PLBD1: variants seen among roughly 807,000 people sequenced by gnomAD.
The protein encoded by PLBD1 is phospholipase B domain containing 1.
Under a neutral mutation model 63.0 loss-of-function variants are expected in PLBD1, and 60 were observed. The ratio of observed to expected loss-of-function variants is 0.95; its 90% CI spans 0.77 to 1.18. The LOEUF is 1.18. PLBD1 is among the 50% of genes most tolerant of loss of function. The probability of loss-of-function intolerance (pLI) is 0.00; values close to 1 mark genes in which losing one functional copy is unlikely to be tolerated. For missense variants in PLBD1, 598 were observed against 677.9 expected (o/e 0.88, Z 1.31); for synonymous variants, 262 against 248.0 (o/e 1.06, Z -0.53).
In PLBD1 at chr12:14,567,609, C is replaced by G. The variant is rs12296104; in HGVS notation, c.88G>C (p.Val30Leu). 8.3e-4 allele frequency: 1,232 copies of G among 1,490,262 alleles called. 3 individuals carry two copies. In the African/African-American group the frequency reaches 0.013, roughly 16 times the overall value. The allele number at this position is 1,490,262 out of a possible 1,614,324, so 92.3% of individuals were successfully genotyped here. ...GCAGGTTTCGGCGGCTCCGCGGTGA[C>G]TAACAACAGCGGCAGCAGCAGCAGC... Reference protein sequence around the residue: ...LLLLLLPLLLVTAEPPKPAGV... With the variant: ...LLLLLLPLLLLTAEPPKPAGV... The change falls in exon 1 of 11, where the codon GTC (valine) becomes CTC (leucine). Residue 30 changes from valine (V) to leucine (L), a missense_variant. Coordinates refer to ENST00000240617, the MANE Select transcript of PLBD1 (RefSeq NM_024829.6).
rs563556777 is a variant in PLBD1, at chr12:14,514,274, A to G, written c.845-2563T>C. Among the ~76,000 whole-genome samples the G allele has an allele frequency of 2.0e-3, 299 of 152,304 alleles. 2 individuals are homozygous for G. Among genetic ancestry groups the G allele is most frequent in the African/African-American group, 6.9e-3 (285 of 41,566 alleles). On this transcript the variant is annotated intron_variant, in intron 6 of 10. Transcript: ENST00000240617. ...CTTGACAGAGTGTAAAATGGATTGC[A>G]TTCGTGTCTTGGGCTGGGATCATTT...
At chr12:14,536,077 C>T in intron 5 of PLBD1, 1 of 349,476 alleles carries the variant, frequency 2.9e-6, no homozygotes, top group Non-Finnish European at 5.2e-6. Context: ...AGGCGGATCA[C>T]TTGAGGTCAG....
At chr12:14,504,442 T>C (rs904063979) in intron 10 of PLBD1, among the ~76,000 whole-genome samples, 70 of 152,230 alleles carry the variant, frequency 4.6e-4, no homozygotes, top group African/African-American at 1.6e-3. Flanking sequence ...GTCAGTTGAC[T>C]AGAAGTGTGT....
rs74525557 is a variant in PLBD1 at position 14,521,691 on chromosome 12, G to T, written c.845-9980C>A. Among the ~76,000 whole-genome samples the T allele has an allele frequency of 1.7e-4, 26 of 152,112 alleles. No homozygotes were observed. In the East Asian group the frequency reaches 4.7e-3, roughly 27 times the overall value. ...TAACAACTCTATACAACTGGAAGAG[G>T]CATCCATTCTATCAGATGCCCAGAC... On this transcript the variant is annotated intron_variant, in intron 6 of 10. Coordinates refer to ENST00000240617, the MANE Select transcript of PLBD1 (RefSeq NM_024829.6).
chr12:14,541,091 G>C (rs1025304101), intron 3 of PLBD1, among the ~76,000 whole-genome samples, 189 bp from the exon 4 acceptor site: 3 of 152,104 alleles, frequency 2.0e-5, no homozygotes, highest in African/African-American at 7.2e-5. Flanking sequence ...TTCTCCCTAG[G>C]GTTATGATTC....
rs945214870 is a variant in PLBD1, at chr12:14,567,686, C to T, written c.11G>A (p.Gly4Asp). 7 of 1,462,504 alleles carry T rather than the reference C, an allele frequency of 4.8e-6. No homozygotes were observed. Among genetic ancestry groups the T allele is most frequent in the Non-Finnish European group, 6.3e-6 (7 of 1,118,398 alleles). 90.6% of individuals were successfully genotyped at this position (1,462,504 alleles called of 1,614,324 possible). Residue 4 changes from glycine (G) to aspartate (D), a missense_variant, in exon 1 of 11, where the codon GGC (glycine) becomes GAC (aspartate). Coordinates refer to ENST00000240617, the MANE Select transcript of PLBD1 (RefSeq NM_024829.6). MTR[G>D]GPGGRPGLPQ... ...CAGCCCCGGGCGCCCGCCCGGACCGCCGCGGGTCATCGCTCCACGGCCGCG... is the reference window on the plus strand; with the variant it reads ...CAGCCCCGGGCGCCCGCCCGGACCGTCGCGGGTCATCGCTCCACGGCCGCG...
chr12:14,565,340 C>A (rs1233615418), intron 1 of PLBD1, among the ~76,000 whole-genome samples: 2 of 151,828 alleles, frequency 1.3e-5, no homozygotes, highest in Non-Finnish European at 2.9e-5. Context: ...GTGGTGTGTG[C>A]CTGTAATCCC....
chr12:14,549,850 T>G (rs982338634), intron 2 of PLBD1, among the ~76,000 whole-genome samples: 1 of 152,136 alleles, frequency 6.6e-6, no homozygotes, highest in Admixed American at 6.5e-5. Context: ...GTATTTTTAG[T>G]AGAGACGGGT....
chr12:14,504,733 G>A (rs1945237915), intron 10 of PLBD1, among the ~76,000 whole-genome samples: 1 of 152,188 alleles, frequency 6.6e-6, no homozygotes, highest in South Asian at 2.1e-4. Context: ...CAAAAATTGA[G>A]GGCCGTGGTT....
chr12:14,564,987 A>T (rs1179491233), intron 1 of PLBD1, among the ~76,000 whole-genome samples: 1 of 152,198 alleles, frequency 6.6e-6, no homozygotes, highest in Non-Finnish European at 1.5e-5. Flanking sequence ...TACCACTTAG[A>T]AAAAATTATA....
At chr12:14,551,319 C>A (rs1397932782) in intron 2 of PLBD1, among the ~76,000 whole-genome samples, 1 of 149,876 alleles carries the variant, frequency 6.7e-6, no homozygotes, top group Non-Finnish European at 1.5e-5. Context: ...GCCGAGATTG[C>A]GCCACTGCAC....
At chr12:14,534,604 A>AGTGGT (rs1945496816) in intron 6 of PLBD1, among the ~76,000 whole-genome samples, 1 of 149,092 alleles carries the variant, frequency 6.7e-6, no homozygotes, top group African/African-American at 2.5e-5. Flanking sequence ...AGTGCAGTGG[A>AGTGGT]GTGATCTCCG....
intron 4 of PLBD1, among the ~76,000 whole-genome samples, chr12:14,539,112 T>A (rs962077523): frequency 2.6e-5 from 4 of 152,282 alleles, no homozygotes; most frequent in Admixed American, 2.6e-4. Context: ...CAAAACAGTA[T>A]CCCATTGTAA....
intron 1 of PLBD1, among the ~76,000 whole-genome samples, chr12:14,557,820 T>G (rs747215904): frequency 1.3e-5 from 2 of 152,030 alleles, no homozygotes; most frequent in African/African-American, 4.8e-5. Flanking sequence ...CATGTATCCC[T>G]GAACTTAAAA....
In PLBD1 at chr12:14,560,017, C is replaced by G. The variant is rs138503096; in HGVS notation, c.116-6605G>C. Among the ~76,000 whole-genome samples the G allele has an allele frequency of 2.2e-3, 342 of 152,178 alleles. 1 individual carries two copies. Among genetic ancestry groups the G allele is most frequent in the African/African-American group, 6.0e-3 (248 of 41,540 alleles). On this transcript the variant is annotated intron_variant, in intron 1 of 10. Transcript: ENST00000240617. ...CTGGGATTACAGGCATGCGCCGCCACGCCTGGCTAATTTTGTATTTTTAGT... is the reference window on the plus strand; with the variant it reads ...CTGGGATTACAGGCATGCGCCGCCAGGCCTGGCTAATTTTGTATTTTTAGT...
chr12:14,556,096 T>C (rs2136932890), intron 1 of PLBD1, among the ~76,000 whole-genome samples: 1 of 152,336 alleles, frequency 6.6e-6, no homozygotes, highest in African/African-American at 2.4e-5. Context: ...GAGAAGCCAT[T>C]ACACATGTGC....
chr12:14,556,774 C>T (rs7970919), intron 1 of PLBD1, among the ~76,000 whole-genome samples: 1 of 148,926 alleles, frequency 6.7e-6, no homozygotes, highest in Non-Finnish European at 1.5e-5. Context: ...CACCTGAGGT[C>T]AGGAGTTTGA....
chr12:14,522,638 AGCACAT>A (rs1945386064), intron 6 of PLBD1, among the ~76,000 whole-genome samples: 1 of 152,170 alleles, frequency 6.6e-6, no homozygotes, highest in Non-Finnish European at 1.5e-5. Flanking sequence ...TGAATTCAAC[AGCACAT>A]TAAGAAAAAT....
At chr12:14,564,015 G>C (rs980990843) in intron 1 of PLBD1, among the ~76,000 whole-genome samples, 1 of 152,218 alleles carries the variant, frequency 6.6e-6, no homozygotes, top group African/African-American at 2.4e-5. Context: ...ACCTGTGGGA[G>C]GATCACTTGC....
Sources: allele counts gnomAD v4.1 joint callset (sites outside exome capture counted in the v4.1 genomes callset), GRCh38; gene constraint gnomAD v4.1.1; transcripts MANE v1.5; gene names NCBI Gene and HGNC (gene_info 2026-07-23, HGNC 2026-07-21).